The following ECM2 variants were observed in gnomAD, a reference collection of about 807,000 sequenced individuals.
ECM2 encodes the protein extracellular matrix protein 2, female organ and adipocyte specific.
A neutral mutation model predicts 67.5 loss-of-function variants in ECM2; 57 were observed. The ratio of observed to expected loss-of-function variants is 0.84; its 90% CI spans 0.68 to 1.05. The LOEUF (loss-of-function observed/expected upper bound fraction) is 1.05. Ranked by LOEUF, ECM2 falls within the 50% of genes least tolerant of loss-of-function variation. ECM2 has a pLI of 0.00. For missense variants in ECM2, 741 were observed against 822.8 expected (o/e 0.90, Z 1.22); for synonymous variants, 258 against 294.5 (o/e 0.88, Z 1.27).
chr9:92,537,661 A>AAAAAG (rs151092338), upstream of ECM2, among the ~76,000 whole-genome samples: 89 of 152,270 alleles, frequency 5.8e-4, 1 homozygote, highest in South Asian at 3.5e-3. Context: ...CTACATCTCA[A>AAAAAG]AAAAGAAAAG....
the ECM2 span, among the ~76,000 whole-genome samples, chr9:92,546,358 G>C: frequency 6.6e-6 from 1 of 152,118 alleles, no homozygotes; most frequent in South Asian, 2.1e-4. Context: ...TGGAAGCTTT[G>C]TTCTTTTGCT....
intron 3 of ECM2, among the ~76,000 whole-genome samples, chr9:92,516,423 T>C (rs1490333224): frequency 6.6e-6 from 1 of 152,156 alleles, no homozygotes. Flanking sequence ...TGCCTACTTT[T>C]ATTTAACACT....
chr9:92,533,055 T>A (rs1459937689), intron 1 of ECM2, among the ~76,000 whole-genome samples: 2 of 151,712 alleles, frequency 1.3e-5, no homozygotes, highest in Non-Finnish European at 2.9e-5. Context: ...TGACAGCACT[T>A]TGGGAGGCCA....
In ECM2 at chr9:92,514,961, C is replaced by A; in HGVS notation, c.724G>T (p.Glu242Ter). ...CTGTCTCCTCCTCTGCTGTCCCCCT[C>A]ACTGTAAAGTTGCCCCTGATTTCTA... ...ESRNQGQLYS[E>*]GDSRGGDRKQ... The change falls in exon 4 of 10, where the codon GAG (glutamate) becomes TAG (stop). Residue 242 changes from glutamate (E) to a stop codon, truncating the protein, a stop_gained. Coordinates refer to ENST00000344604, the MANE Select transcript of ECM2 (RefSeq NM_001393.4). LOFTEE classifies it high-confidence loss of function. 6.2e-7 allele frequency: 1 copy of A among 1,614,150 alleles called. No homozygotes were observed. Among genetic ancestry groups the A allele is most frequent in the Non-Finnish European group, 8.5e-7 (1 of 1,180,024 alleles).
In ECM2 at chr9:92,522,587, T is replaced by C; in HGVS notation, c.280A>G (p.Asn94Asp). 1 of 1,612,154 alleles carries C rather than the reference T, an allele frequency of 6.2e-7. No homozygotes were observed. The highest frequency in any genetic ancestry group is 8.5e-7 in the Non-Finnish European group (1 of 1,178,948). ...AGTGTTCTCTTACCTGGTAACACAT[T>C]ATAACTTGATTCTACTCCAGGAAAA... The part of the protein sequence containing the change: ...SSFPGVESSY[N>D]VLPGKKGHCL... The change falls in exon 2 of 10, where the codon AAT becomes GAT. Residue 94 changes from asparagine to aspartate, a missense_variant. Physicochemically the swap from Asn to Asp is conservative, Grantham distance 23. Coordinates refer to ENST00000344604, the MANE Select transcript of ECM2 (RefSeq NM_001393.4).
chr9:92,539,156 G>A (rs1374661553), upstream of ECM2: 2 of 152,216 alleles, frequency 1.3e-5, no homozygotes, highest in Non-Finnish European at 2.9e-5. Flanking sequence ...ATGGTTAGTT[G>A]AGAATAGTCA....
At chr9:92,547,484 T>A in the ECM2 span, among the ~76,000 whole-genome samples, 1 of 152,372 alleles carries the variant, frequency 6.6e-6, no homozygotes. Context: ...AAAAGGAATG[T>A]CATACTGACA....
At chr9:92,555,293 T>G in the ECM2 span, among the ~76,000 whole-genome samples, 1 of 144,174 alleles carries the variant, frequency 6.9e-6, no homozygotes, top group South Asian at 2.3e-4. Context: ...AATGGCGTGA[T>G]CTCAGCTCAC....
chr9:92,517,434 CA>C, intron 3 of ECM2: 1 of 595,448 alleles, frequency 1.7e-6, no homozygotes, highest in East Asian at 2.8e-5. Context: ...AGCTGAGAGT[CA>C]AATGTGGAAT....
chr9:92,522,615 T>G lies in ECM2; in HGVS notation c.252A>C (p.Ser84=). The change falls in exon 2 of 10, where the codon TCA becomes TCC. Residue 84 remains serine (S), a synonymous_variant. Coordinates refer to ENST00000344604, the MANE Select transcript of ECM2 (RefSeq NM_001393.4). The part of the protein sequence containing the change: ...YSMEEKFESF[S]SFPGVESSYN... ...AACTTGATTCTACTCCAGGAAAACT[T>G]GAAAAGGATTCAAACTTTTCCTCCA... 1 of 1,613,772 alleles carries G rather than the reference T, an allele frequency of 6.2e-7. No individual in the cohort carries two copies. The highest frequency in any genetic ancestry group is 8.5e-7 in the Non-Finnish European group (1 of 1,179,862).
At chr9:92,526,990 T>C (rs1848455423) in intron 1 of ECM2, among the ~76,000 whole-genome samples, 1 of 152,026 alleles carries the variant, frequency 6.6e-6, no homozygotes, top group Admixed American at 6.6e-5. Context: ...CTTTCCTATG[T>C]GTAGATATGT....
chr9:92,540,755 A>T (rs1849299584), upstream of ECM2, among the ~76,000 whole-genome samples: 1 of 146,448 alleles, frequency 6.8e-6, no homozygotes, highest in Non-Finnish European at 1.5e-5. Flanking sequence ...TGGGCAACAG[A>T]GCACGACTCT....
chr9:92,517,464 A>T, intron 3 of ECM2: 1 of 625,894 alleles, frequency 1.6e-6, no homozygotes, highest in Non-Finnish European at 2.8e-6. Flanking sequence ...ATCCAAGTTT[A>T]CTGAATCTGA....
At chr9:92,499,631 C>T (rs1846553757) in intron 9 of ECM2, among the ~76,000 whole-genome samples, 1 of 152,158 alleles carries the variant, frequency 6.6e-6, no homozygotes, top group Non-Finnish European at 1.5e-5. Flanking sequence ...TATGGCACAA[C>T]CTGTGAAGTA....
chr9:92,550,498 A>G, the ECM2 span, among the ~76,000 whole-genome samples: 1 of 152,126 alleles, frequency 6.6e-6, no homozygotes, highest in South Asian at 2.1e-4. Flanking sequence ...TGAGAATTAA[A>G]ATAAACTGTA....
chr9:92,551,546 A>G, the ECM2 span, among the ~76,000 whole-genome samples: 1 of 151,796 alleles, frequency 6.6e-6, no homozygotes, highest in Non-Finnish European at 1.5e-5. Context: ...TCCATAAGTT[A>G]TTGGGGTACA....
At chr9:92,524,038 C>T (rs561162675) in intron 1 of ECM2, among the ~76,000 whole-genome samples, 1 of 152,334 alleles carries the variant, frequency 6.6e-6, no homozygotes, top group East Asian at 1.9e-4. Flanking sequence ...ACATGGCCCC[C>T]TCTCTGGGCC....
chr9:92,545,548 C>G, the ECM2 span, among the ~76,000 whole-genome samples: 1 of 150,052 alleles, frequency 6.7e-6, no homozygotes, highest in Non-Finnish European at 1.5e-5. Context: ...CGGGCCCCTT[C>G]AAGGCCCGAG....
chr9:92,506,731 T>C (rs1447050057), intron 6 of ECM2, among the ~76,000 whole-genome samples: 1 of 152,020 alleles, frequency 6.6e-6, no homozygotes, highest in Non-Finnish European at 1.5e-5. Flanking sequence ...AAGATTTAGA[T>C]AGAAGTAGGA....
Sources: gnomAD v4.1 joint callset for allele counts (sites outside exome capture counted in the v4.1 genomes callset) on GRCh38, gnomAD v4.1.1 for gene constraint, MANE v1.5 for transcripts, NCBI Gene and HGNC (gene_info 2026-07-23, HGNC 2026-07-21) for gene names.